TNFAIP3: variants seen among roughly 807,000 people sequenced by gnomAD.
The protein encoded by TNFAIP3 is TNF alpha induced protein 3, also known as tumor necrosis factor alpha-induced protein 3.
Under a neutral mutation model 72.4 loss-of-function variants are expected in TNFAIP3, and 9 were observed. The observed-to-expected ratio is 0.12, with a 90% CI of 0.07 to 0.22. The LOEUF (loss-of-function observed/expected upper bound fraction) is 0.22, where lower values mean the gene tolerates loss of function less well. TNFAIP3 is among the 10% of genes least tolerant of loss of function. The probability of loss-of-function intolerance (pLI) is 1.00; values close to 1 mark genes in which losing one functional copy is unlikely to be tolerated. For synonymous variants in TNFAIP3, 339 were observed against 372.6 expected (o/e 0.91, Z 1.04); for missense variants, 833 against 1,018.7 (o/e 0.82, Z 2.48).
At chr6:137,872,296 G>A (rs567621360) in intron 2 of TNFAIP3, among the ~76,000 whole-genome samples, 1 of 152,148 alleles carries the variant, frequency 6.6e-6, no homozygotes, top group Non-Finnish European at 1.5e-5. Context: ...AGAGCATACT[G>A]TTTCATGCAG....
At chr6:137,869,457 T>C (rs1775980314) in intron 1 of TNFAIP3, among the ~76,000 whole-genome samples, 2 of 152,176 alleles carry the variant, frequency 1.3e-5, no homozygotes, top group South Asian at 2.1e-4. Context: ...ATATGTGTTA[T>C]TTTTATCCTG....
chr6:137,872,504 C>G (rs1776094840), intron 2 of TNFAIP3, among the ~76,000 whole-genome samples: 1 of 152,190 alleles, frequency 6.6e-6, no homozygotes, highest in Non-Finnish European at 1.5e-5. Flanking sequence ...GATAAGAACA[C>G]TAACTTAATT....
intron 6 of TNFAIP3, among the ~76,000 whole-genome samples, chr6:137,877,714 C>A (rs2114493152): frequency 6.6e-6 from 1 of 152,338 alleles, no homozygotes; most frequent in African/African-American, 2.4e-5. Flanking sequence ...GCTCATGATT[C>A]TGCCACATGG....
chr6:137,869,388 CGG>C (rs1562266302), intron 1 of TNFAIP3, among the ~76,000 whole-genome samples: 1 of 129,838 alleles, frequency 7.7e-6, no homozygotes, highest in Non-Finnish European at 1.7e-5. Flanking sequence ...GACGGACGGA[CGG>C]ACGGACGGAT....
At position 137,882,843 on chromosome 6, in the gene TNFAIP3, T is replaced by A. The variant is rs1371343262; in HGVS notation, c.*1524T>A. 4.3e-6 allele frequency: 1 copy of A among 229,972 alleles called. No homozygotes were observed. The highest frequency in any genetic ancestry group is 6.2e-5 in the East Asian group (1 of 16,256). The allele number at this position is 229,972 out of a possible 1,614,324, so 14.2% of individuals were successfully genotyped here. A position where few individuals can be genotyped will look rare whatever the true frequency, so the allele number is the denominator to read the frequency against. ...TACAGTTTCTCTGTGTGCTTTGTGG[T>A]TGCTGTCATATTTGCTCTAGAAGAA... On this transcript the variant is annotated 3_prime_UTR_variant, in exon 9 of 9. Coordinates refer to ENST00000612899, the MANE Select transcript of TNFAIP3 (RefSeq NM_001270508.2).
At position 137,878,792 on chromosome 6, in the gene TNFAIP3, C is replaced by A. The variant is rs536670759; in HGVS notation, c.1347C>A (p.Asn449Lys). ...AAGCCTATGAGCCCTTGGCGTGGAA[C>A]CCTGAGGAGTCCACTGGGGGGCCTC... ...RGEAYEPLAW[N>K]PEESTGGPHS... is the part of the protein sequence containing the mutation. The change falls in exon 7 of 9, where the codon AAC becomes AAA. Residue 449 changes from asparagine (N) to lysine (K), a missense_variant. Physicochemically the swap from Asn to Lys is moderately conservative, Grantham distance 94. Transcript: ENST00000612899. The A allele has an allele frequency of 1.9e-6, 3 of 1,614,108 alleles. No individual in the cohort carries two copies. Among genetic ancestry groups the A allele is most frequent in the African/African-American group, 1.3e-5 (1 of 75,060 alleles).
rs1213284520 is a variant in TNFAIP3 at position 137,878,801 on chromosome 6, G to A, written c.1356G>A (p.Glu452=). ...AGCCCTTGGCGTGGAACCCTGAGGA[G>A]TCCACTGGGGGGCCTCATTCGGCCC... ...AYEPLAWNPE[E]STGGPHSAPP... is the part of the protein sequence containing the mutation. Residue 452 remains glutamate, a synonymous_variant, in exon 7 of 9, where the codon GAG becomes GAA. Transcript: ENST00000612899. 1 of 1,614,100 alleles carries A rather than the reference G, an allele frequency of 6.2e-7. No individual in the cohort carries two copies. The highest frequency in any genetic ancestry group is 1.3e-5 in the African/African-American group (1 of 75,060).
intron 6 of TNFAIP3, 35 bp downstream of exon 6, chr6:137,877,291 T>G: frequency 1.9e-6 from 3 of 1,553,676 alleles, no homozygotes; most frequent in Non-Finnish European, 1.7e-6. Context: ...TCCTGTGTCA[T>G]CTGTAACTGT....
chr6:137,869,936 C>T (rs1294940483), intron 1 of TNFAIP3, among the ~76,000 whole-genome samples: 2 of 152,206 alleles, frequency 1.3e-5, no homozygotes, highest in Non-Finnish European at 2.9e-5. Context: ...TAAATCACAG[C>T]TGGCTTTTTA....
chr6:137,869,337 A>AGATGGATGGATG lies in TNFAIP3; in HGVS notation c.-16+1826_-15-1834dup, dbSNP rs71009567. Among the ~76,000 whole-genome samples the AGATGGATGGATG allele has an allele frequency of 4.5e-3, 657 of 145,134 alleles. 2 individuals are homozygous for AGATGGATGGATG. Among genetic ancestry groups the AGATGGATGGATG allele is most frequent in the East Asian group, 9.7e-3 (48 of 4,936 alleles). ...TGGGTGGATGGGTGGATGGATGGAT[A>AGATGGATGGATG]GATGGATGGATGGATGGATGGATGG... On this transcript the variant is annotated intron_variant, in intron 1 of 8. Transcript: ENST00000612899.
At position 137,871,079 on chromosome 6, in the gene TNFAIP3, G is replaced by A. The variant is rs1271941360; in HGVS notation, c.-15-134G>A. The A allele has an allele frequency of 2.7e-6, 2 of 728,962 alleles. No individual in the cohort carries two copies. The highest frequency in any genetic ancestry group is 3.6e-5 in the African/African-American group (2 of 56,194). The allele number at this position is 728,962 out of a possible 1,614,324, so 45.2% of individuals were successfully genotyped here. A position where few individuals can be genotyped will look rare whatever the true frequency, so the allele number is the denominator to read the frequency against. ...GGCCAGCTAGTATCCCGGGAGTAGAGGTGCTAAGATCTTTTGCCTACAGAT... is the reference window on the plus strand; with the variant it reads ...GGCCAGCTAGTATCCCGGGAGTAGAAGTGCTAAGATCTTTTGCCTACAGAT... On this transcript the variant is annotated intron_variant, in intron 1 of 8. Coordinates refer to ENST00000612899, the MANE Select transcript of TNFAIP3 (RefSeq NM_001270508.2). The surrounding 1 kb of genome is among the most constrained non-coding windows in gnomAD (Gnocchi z 4.2).
At chr6:137,869,337 A>AGATGGATGGATGGATGGATG (rs71009567) in intron 1 of TNFAIP3, among the ~76,000 whole-genome samples, 7 of 145,032 alleles carry the variant, frequency 4.8e-5, no homozygotes, top group Admixed American at 6.9e-5. Flanking sequence ...ATGGATGGAT[A>AGATGGATGGATGGATGGATG]GATGGATGGA....
intron 4 of TNFAIP3, 55 bp from the exon 5 acceptor site, chr6:137,875,941 G>A: frequency 6.3e-7 from 1 of 1,599,068 alleles, no homozygotes; most frequent in East Asian, 2.2e-5. Flanking sequence ...GAGTTCAATG[G>A]AATTTGATGA....
In TNFAIP3 at chr6:137,878,871, A is replaced by G; in HGVS notation, c.1426A>G (p.Met476Val). The G allele has an allele frequency of 6.2e-7, 1 of 1,614,108 alleles. No homozygotes were observed. Among genetic ancestry groups the G allele is most frequent in the Non-Finnish European group, 8.5e-7 (1 of 1,180,010 alleles). ...TTTTCTGTTCAGTGAGACCACTGCC[A>G]TGAAGTGCAGGAGCCCCGGCTGCCC... ...SPFLFSETTA[M>V]KCRSPGCPFT... Residue 476 changes from methionine (M) to valine (V), a missense_variant, in exon 7 of 9, where the codon ATG becomes GTG. Transcript: ENST00000612899.
rs1199757092 is a variant in TNFAIP3 at position 137,877,184 on chromosome 6, A to C, written c.914A>C (p.Glu305Ala). Residue 305 changes from glutamate to alanine, a missense_variant, in exon 6 of 9, where the codon GAG becomes GCG. Physicochemically the swap from Glu to Ala is moderately radical, Grantham distance 107. Coordinates refer to ENST00000612899, the MANE Select transcript of TNFAIP3 (RefSeq NM_001270508.2). Reference protein sequence around the residue: ...ENEMKEKLLKEYLMVIEIPVQ... With the variant: ...ENEMKEKLLKAYLMVIEIPVQ... ...GAGATGAAGGAGAAGCTCTTAAAAG[A>C]GTACTTAATGGTGATAGAAATCCCC... 1.2e-6 allele frequency: 2 copies of C among 1,613,936 alleles called. No homozygotes were observed. The highest frequency in any genetic ancestry group is 1.7e-6 in the Non-Finnish European group (2 of 1,179,984).
rs1204315033 is a variant in TNFAIP3, at chr6:137,877,060, T to A, written c.806-16T>A. 3 of 1,571,136 alleles carry A rather than the reference T, an allele frequency of 1.9e-6. No homozygotes were observed. The African/African-American group carries it at 4.1e-5, about 21-fold the overall frequency. Reference sequence around the variant, plus strand: ...AGTAGAATACTGTTTTACTTATGTATTATTTTTTTCCTTAGAAATCCGAGC... The same window carrying A: ...AGTAGAATACTGTTTTACTTATGTAATATTTTTTTCCTTAGAAATCCGAGC... On this transcript the variant is annotated splice_polypyrimidine_tract_variant and intron_variant, in intron 5 of 8. Transcript: ENST00000612899.
intron 8 of TNFAIP3, among the ~76,000 whole-genome samples, 165 bp downstream of exon 8, chr6:137,880,417 G>C (rs1198724492): frequency 6.6e-6 from 1 of 152,098 alleles, no homozygotes; most frequent in East Asian, 1.9e-4. Context: ...TGTCACTGTG[G>C]CTCCCCAGGT....
Position 137,881,563 on chromosome 6 carries a change from A to G in TNFAIP3, c.*244A>G, listed in dbSNP as rs988297081. 8 of 425,200 alleles carry G rather than the reference A, an allele frequency of 1.9e-5. No individual in the cohort carries two copies. Among genetic ancestry groups the G allele is most frequent in the African/African-American group, 4.1e-5 (2 of 49,226 alleles). 26.3% of individuals were successfully genotyped at this position (425,200 alleles called of 1,614,324 possible). The stretch of plus-strand genomic sequence containing the variant: ...AAGGGATGATGTCAGATTCAGCCCA[A>G]GGTTCCTCCTCTCCTACCAAGCAGG... On this transcript the variant is annotated 3_prime_UTR_variant, in exon 9 of 9. Transcript: ENST00000612899. This position sits in a 1 kb window ranked among gnomAD's most constrained non-coding sequence, Gnocchi z 5.0.
chr6:137,866,577 G>A (rs1775842484), upstream of TNFAIP3: 1 of 152,438 alleles, frequency 6.6e-6, no homozygotes, highest in Non-Finnish European at 1.5e-5. Context: ...TGATTCCTAA[G>A]TTTACCTAAG....
Sources: allele counts gnomAD v4.1 joint callset (sites outside exome capture counted in the v4.1 genomes callset), GRCh38; gene constraint gnomAD v4.1.1; non-coding constraint Gnocchi (gnomAD v3.1); transcripts MANE v1.5; gene names NCBI Gene and HGNC (gene_info 2026-07-23, HGNC 2026-07-21).